The following BGLAP variants were observed in gnomAD, a reference collection of about 807,000 sequenced individuals.
The protein encoded by BGLAP is bone gamma-carboxyglutamate protein, also known as osteocalcin.
Under a neutral mutation model 13.7 loss-of-function variants are expected in BGLAP, and 15 were observed. The ratio of observed to expected loss-of-function variants is 1.09; its 90% confidence interval spans 0.73 to 1.68. The LOEUF (loss-of-function observed/expected upper bound fraction) is 1.68, where lower values mean the gene tolerates loss of function less well. Among genes scored for constraint, BGLAP ranks in the 40% most tolerant of loss-of-function variants. The pLI is 0.00. For synonymous variants in BGLAP, 67 were observed against 56.2 expected, an observed-to-expected ratio of 1.19 and a Z score of -0.86; for missense variants, 120 against 134.3, an observed-to-expected ratio of 0.89 and a Z score of 0.53.
In BGLAP at chr1:156,243,177, G is replaced by A. The variant is rs1391434561; in HGVS notation, c.*15G>A. 5 of 1,612,774 alleles carry A rather than the reference G, an allele frequency of 3.1e-6. No individual in the cohort carries two copies. Among genetic ancestry groups the A allele is most frequent in the Non-Finnish European group, 4.2e-6 (5 of 1,179,902 alleles). ...GCCCGGTCTAGGGTGTCGCTCTGCT[G>A]GCCTGGCCGGCAACCCCAGTTCTGC... On this transcript the variant is annotated 3_prime_UTR_variant, in exon 4 of 4. Coordinates refer to ENST00000368272, the MANE Select transcript of BGLAP (RefSeq NM_199173.6).
At position 156,243,250 on chromosome 1, in the gene BGLAP, C is replaced by A; in HGVS notation, c.*88C>A. On this transcript the variant is annotated 3_prime_UTR_variant, in exon 4 of 4. Coordinates refer to ENST00000368272, the MANE Select transcript of BGLAP (RefSeq NM_199173.6). ...CCTCTTCCCCTTGCCCTTGCCCTGA[C>A]CTCCCAGCCCTATGGATGTGGGGTC... is the stretch of plus-strand genomic sequence containing the variant. 6.3e-7 allele frequency: 1 copy of A among 1,576,924 alleles called. No homozygotes were observed. Among genetic ancestry groups the A allele is most frequent in the South Asian group, 1.1e-5 (1 of 88,526 alleles).
intron 3 of BGLAP, 42 bp downstream of exon 3, chr1:156,242,873 G>A (rs373312300): frequency 4.9e-5 from 77 of 1,571,826 alleles, no homozygotes; most frequent in African/African-American, 9.5e-5. Context: ...CTGCCTCTCC[G>A]GGATGGTCTG....
chr1:156,243,234 C>T lies in BGLAP; in HGVS notation c.*72C>T, dbSNP rs772196824. 5.0e-6 allele frequency: 8 copies of T among 1,591,726 alleles called. No individual in the cohort carries two copies. Among genetic ancestry groups the T allele is most frequent in the South Asian group, 1.1e-5 (1 of 90,060 alleles). On this transcript the variant is annotated 3_prime_UTR_variant, in exon 4 of 4. Coordinates refer to ENST00000368272, the MANE Select transcript of BGLAP (RefSeq NM_199173.6). The stretch of plus-strand genomic sequence containing the variant: ...CCAGGCACCCTTCTTTCCTCTTCCC[C>T]TTGCCCTTGCCCTGACCTCCCAGCC...
chr1:156,242,925 G>T, intron 3 of BGLAP, 94 bp downstream of exon 3: 2 of 1,578,510 alleles, frequency 1.3e-6, no homozygotes, highest in Middle Eastern at 1.7e-4. Flanking sequence ...GGGTTGTGGT[G>T]GGGGTACAGG....
intron 1 of BGLAP, 128 bp from the exon 2 acceptor site, chr1:156,242,425 A>G (rs539097976): frequency 1.9e-6 from 3 of 1,543,882 alleles, no homozygotes; most frequent in Non-Finnish European, 2.6e-6. Context: ...TGCAGGCTCA[A>G]TCCATTTGCC....
At chr1:156,242,676 T>A in intron 2 of BGLAP, 85 bp downstream of exon 2, 1 of 1,609,658 alleles carries the variant, frequency 6.2e-7, no homozygotes, top group African/African-American at 1.3e-5. Flanking sequence ...TGCCACCTCC[T>A]GTCTGGCCAT....
In BGLAP at chr1:156,242,577, C is replaced by A. The variant is rs779414240; in HGVS notation, c.89C>A (p.Ser30Tyr). ...QAGAKPSGAESSKGAAFVSKQ... is the reference protein window; with the variant it reads ...QAGAKPSGAEYSKGAAFVSKQ... ...GGTGCGAAGCCCAGCGGTGCAGAGTCCAGCAAAGGTGCAGGTATGAGGATG... is the reference window on the plus strand; with the variant it reads ...GGTGCGAAGCCCAGCGGTGCAGAGTACAGCAAAGGTGCAGGTATGAGGATG... The change falls in exon 2 of 4, where the codon TCC becomes TAC. Residue 30 changes from serine to tyrosine, a missense_variant. Ser to Tyr is a moderately radical substitution (Grantham distance 144, BLOSUM62 -2). Transcript: ENST00000368272. 29 of 1,554,052 alleles carry A rather than the reference C, an allele frequency of 1.9e-5. No homozygotes were observed. Among genetic ancestry groups the A allele is most frequent in the South Asian group, 2.4e-5 (2 of 84,474 alleles).
rs1659602512 is a variant in BGLAP at position 156,243,254 on chromosome 1, C to A, written c.*92C>A. The A allele has an allele frequency of 6.4e-7, 1 of 1,574,722 alleles. No homozygotes were observed. The highest frequency in any genetic ancestry group is 8.6e-7 in the Non-Finnish European group (1 of 1,162,598). ...TTCCCCTTGCCCTTGCCCTGACCTCCCAGCCCTATGGATGTGGGGTCCCCA... is the reference window on the plus strand; with the variant it reads ...TTCCCCTTGCCCTTGCCCTGACCTCACAGCCCTATGGATGTGGGGTCCCCA... On this transcript the variant is annotated 3_prime_UTR_variant, in exon 4 of 4. Coordinates refer to ENST00000368272, the MANE Select transcript of BGLAP (RefSeq NM_199173.6).
chr1:156,242,385 G>A (rs1376551026), intron 1 of BGLAP, 90 bp downstream of exon 1: 13 of 1,553,320 alleles, frequency 8.4e-6, no homozygotes, highest in Non-Finnish European at 9.6e-6. Context: ...CCCTTTGGCT[G>A]GCAGTCCCTT....
At chr1:156,242,457 G>A in intron 1 of BGLAP, 96 bp from the exon 2 acceptor site, 1 of 1,549,156 alleles carries the variant, frequency 6.5e-7, no homozygotes, top group Non-Finnish European at 8.7e-7. Flanking sequence ...CTTGCAGAGG[G>A]AGAGGAGGGA....
At chr1:156,242,465 G>GGAA (rs1314692814) in intron 1 of BGLAP, 88 bp from the exon 2 acceptor site, 1 of 1,550,024 alleles carries the variant, frequency 6.5e-7, no homozygotes, top group Non-Finnish European at 8.7e-7. Context: ...GGGAGAGGAG[G>GGAA]GAAGAGCAAG....
In BGLAP at chr1:156,242,559, A is replaced by AG; in HGVS notation, c.72dup (p.Pro25AlafsTer51). 6.4e-7 allele frequency: 1 copy of AG among 1,552,422 alleles called. No individual in the cohort carries two copies. Among genetic ancestry groups the AG allele is most frequent in the African/African-American group, 1.4e-5 (1 of 73,080 alleles). On this transcript the variant is annotated frameshift_variant, in exon 2 of 4. Transcript: ENST00000368272. LOFTEE classifies it high-confidence loss of function. ...GGCTCCCTTTCCTTTGCAGGTGCGA[A>AG]GCCCAGCGGTGCAGAGTCCAGCAAA...
At chr1:156,242,922 G>T in intron 3 of BGLAP, 91 bp downstream of exon 3, 1 of 1,578,036 alleles carries the variant, frequency 6.3e-7, no homozygotes, top group Non-Finnish European at 8.6e-7. Flanking sequence ...TCTGGGTTGT[G>T]GTGGGGGTAC....
chr1:156,243,128 A>G lies in BGLAP; in HGVS notation c.269A>G (p.Gln90Arg). Residue 90 changes from glutamine (Q) to arginine (R), a missense_variant, in exon 4 of 4, where the codon CAG becomes CGG. Coordinates refer to ENST00000368272, the MANE Select transcript of BGLAP (RefSeq NM_199173.6). ...GAGTTGGCTGACCACATCGGCTTTC[A>G]GGAGGCCTATCGGCGCTTCTACGGC... Reference protein sequence around the residue: ...CDELADHIGFQEAYRRFYGPV With the variant: ...CDELADHIGFREAYRRFYGPV The G allele has an allele frequency of 6.2e-7, 1 of 1,614,074 alleles. No homozygotes were observed. Among genetic ancestry groups the G allele is most frequent in the Non-Finnish European group, 8.5e-7 (1 of 1,180,000 alleles).
chr1:156,242,400 G>A (rs1388586209), intron 1 of BGLAP, 105 bp downstream of exon 1: 1 of 1,544,848 alleles, frequency 6.5e-7, no homozygotes, highest in Non-Finnish European at 8.8e-7. Flanking sequence ...TCCCTTTGCA[G>A]TCTAACCACC....
At position 156,242,378 on chromosome 1, in the gene BGLAP, T is replaced by C. The variant is rs765623328; in HGVS notation, c.64+83T>C. On this transcript the variant is annotated intron_variant, in intron 1 of 3. Coordinates refer to ENST00000368272, the MANE Select transcript of BGLAP (RefSeq NM_199173.6). ...ACCATGGCCCACCTCTTCTCACCCCTTTGGCTGGCAGTCCCTTTGCAGTCT... is the reference window on the plus strand; with the variant it reads ...ACCATGGCCCACCTCTTCTCACCCCCTTGGCTGGCAGTCCCTTTGCAGTCT... 1.9e-5 allele frequency: 29 copies of C among 1,559,292 alleles called. No individual in the cohort carries two copies. The East Asian group carries it at 1.9e-4, about 10-fold the overall frequency.
intron 3 of BGLAP, 33 bp downstream of exon 3, chr1:156,242,864 T>C (rs2103153405): frequency 6.4e-7 from 1 of 1,574,316 alleles, no homozygotes. Context: ...GCCAAGGCCC[T>C]GCCTCTCCGG....
chr1:156,242,814 C>G lies in BGLAP; in HGVS notation c.156C>G (p.Tyr52Ter), dbSNP rs201282254. Residue 52 changes from tyrosine to a stop codon, truncating the protein, a stop_gained, in exon 3 of 4, where the codon TAC becomes TAG. Coordinates refer to ENST00000368272, the MANE Select transcript of BGLAP (RefSeq NM_199173.6). LOFTEE classifies it high-confidence loss of function. ...AGGTAGTGAAGAGACCCAGGCGCTACCTGTATCAATGGCTGGGGTGAGAGA... is the reference window on the plus strand; with the variant it reads ...AGGTAGTGAAGAGACCCAGGCGCTAGCTGTATCAATGGCTGGGGTGAGAGA... The part of the protein sequence containing the change: ...GSEVVKRPRR[Y>*]LYQWLGAPVP... 9.0e-5 allele frequency: 144 copies of G among 1,599,874 alleles called. 1 individual carries two copies. Among genetic ancestry groups the G allele is most frequent in the Middle Eastern group, 1.7e-4 (1 of 6,022 alleles).
Position 156,243,240 on chromosome 1 carries a change from C to T in BGLAP, c.*78C>T. 3.8e-6 allele frequency: 6 copies of T among 1,590,670 alleles called. No homozygotes were observed. Among genetic ancestry groups the T allele is most frequent in the Non-Finnish European group, 5.1e-6 (6 of 1,171,576 alleles). ...ACCCTTCTTTCCTCTTCCCCTTGCC[C>T]TTGCCCTGACCTCCCAGCCCTATGG... On this transcript the variant is annotated 3_prime_UTR_variant, in exon 4 of 4. Coordinates refer to ENST00000368272, the MANE Select transcript of BGLAP (RefSeq NM_199173.6).
Sources: allele counts gnomAD v4.1 joint callset, GRCh38; gene constraint gnomAD v4.1.1; transcripts MANE v1.5; gene names NCBI Gene and HGNC (gene_info 2026-07-23, HGNC 2026-07-21).